Variants in STPG2 observed in about 807,000 individuals in gnomAD.
STPG2 encodes sperm tail PG-rich repeat containing 2.
In STPG2, 56 loss-of-function variants were observed where a neutral mutation model predicts 54.2. The observed-to-expected ratio is 1.03, with a 90% CI of 0.83 to 1.29. STPG2 has a LOEUF of 1.29. Ranked by LOEUF, STPG2 falls within the 50% of genes most tolerant of loss-of-function variation. The pLI, the probability that STPG2 is intolerant of heterozygous loss-of-function variation, is 0.00. For synonymous variants in STPG2, 200 were observed against 181.8 expected, an observed-to-expected ratio of 1.10 and a Z score of -0.81; for missense variants, 596 against 544.9, an observed-to-expected ratio of 1.09 and a Z score of -0.93.
chr4:98,115,100 TGAA>T (rs939566360), intron 3 of STPG2, among the ~76,000 whole-genome samples: 10 of 151,976 alleles, frequency 6.6e-5, no homozygotes, highest in African/African-American at 2.4e-4. Context: ...TATTATAATT[TGAA>T]GAAGAATTAC....
At chr4:97,654,578 C>A (rs1722166772) in intron 10 of STPG2, among the ~76,000 whole-genome samples, 1 of 152,082 alleles carries the variant, frequency 6.6e-6, no homozygotes, top group African/African-American at 2.4e-5. Flanking sequence ...TATGTACTAA[C>A]CACATGTTTG....
intron 9 of STPG2, among the ~76,000 whole-genome samples, chr4:97,826,060 T>C (rs538963689): frequency 3.3e-5 from 5 of 152,170 alleles, no homozygotes; most frequent in Non-Finnish European, 4.4e-5. Context: ...CCTTGCCCTC[T>C]AGCTATGCGG....
intron 5 of STPG2, among the ~76,000 whole-genome samples, chr4:98,022,980 G>T (rs1262591157): frequency 6.6e-6 from 1 of 152,072 alleles, no homozygotes; most frequent in Non-Finnish European, 1.5e-5. Flanking sequence ...CTGTAGCTCG[G>T]AGTAGTTTGA....
intron 4 of STPG2, among the ~76,000 whole-genome samples, chr4:97,506,455 A>C (rs573256002): frequency 6.6e-6 from 1 of 152,014 alleles, no homozygotes; most frequent in African/African-American, 2.4e-5. Context: ...ACAAATAAAA[A>C]CTGAAAAAAT....
intron 3 of STPG2, among the ~76,000 whole-genome samples, chr4:98,114,667 A>G (rs1739455609): frequency 6.6e-6 from 1 of 151,978 alleles, no homozygotes. Flanking sequence ...ATTGTTTCAC[A>G]ATTCTAATAG....
intron 9 of STPG2, among the ~76,000 whole-genome samples, chr4:97,721,936 G>T (rs557484956): frequency 6.6e-6 from 1 of 151,900 alleles, no homozygotes; most frequent in Non-Finnish European, 1.5e-5. Flanking sequence ...AATTTTAATA[G>T]AGGTCACAAC....
chr4:97,684,655 T>C (rs1481749599), intron 10 of STPG2, among the ~76,000 whole-genome samples: 3 of 151,808 alleles, frequency 2.0e-5, no homozygotes, highest in South Asian at 2.1e-4. Flanking sequence ...AATAATAATA[T>C]AGGAGAAAGT....
chr4:97,641,710 A>G (rs1721771405), intron 10 of STPG2, among the ~76,000 whole-genome samples: 1 of 151,508 alleles, frequency 6.6e-6, no homozygotes, highest in Admixed American at 6.6e-5. Context: ...AAAATTGAAC[A>G]TACATACAAA....
intron 9 of STPG2, among the ~76,000 whole-genome samples, chr4:97,810,172 A>C (rs1169793220): frequency 6.6e-6 from 1 of 152,192 alleles, no homozygotes; most frequent in East Asian, 1.9e-4. Flanking sequence ...TAATACCTAA[A>C]GAATGAAAGC....
chr4:97,901,012 GA>G (rs1298049388), intron 8 of STPG2, among the ~76,000 whole-genome samples: 1 of 151,608 alleles, frequency 6.6e-6, no homozygotes, highest in African/African-American at 2.4e-5. Flanking sequence ...AACACTCAAA[GA>G]AAAAAACAAA....
intron 8 of STPG2, among the ~76,000 whole-genome samples, chr4:97,905,794 G>A (rs1731389642): frequency 6.6e-6 from 1 of 151,988 alleles, no homozygotes; most frequent in Non-Finnish European, 1.5e-5. Flanking sequence ...AAAAAAGGCA[G>A]GAGTTGCAAT....
chr4:97,946,628 A>G (rs1379032923), intron 7 of STPG2, among the ~76,000 whole-genome samples: 3 of 152,188 alleles, frequency 2.0e-5, no homozygotes, highest in Admixed American at 6.6e-5. Context: ...CAGTTTTCCC[A>G]GGACCATTTA....
intron 9 of STPG2, among the ~76,000 whole-genome samples, chr4:97,792,930 T>C (rs1333292636): frequency 6.6e-6 from 1 of 152,040 alleles, no homozygotes; most frequent in Non-Finnish European, 1.5e-5. Flanking sequence ...GGCTGGCAGA[T>C]TGCATGAGGT....
chr4:98,047,891 G>A (rs1000349068), intron 5 of STPG2, among the ~76,000 whole-genome samples: 3 of 151,920 alleles, frequency 2.0e-5, no homozygotes, highest in Admixed American at 6.6e-5. Flanking sequence ...GATTAAACAC[G>A]AGCTAAAAAA....
At chr4:97,564,433 A>G (rs922806063) in intron 10 of STPG2, among the ~76,000 whole-genome samples, 2 of 151,756 alleles carry the variant, frequency 1.3e-5, no homozygotes, top group African/African-American at 4.9e-5. Flanking sequence ...GTCCATTTAC[A>G]TTTAAAGTTA....
At chr4:97,538,022 T>G (rs914932621) in intron 4 of STPG2, among the ~76,000 whole-genome samples, 4 of 151,840 alleles carry the variant, frequency 2.6e-5, no homozygotes, top group Non-Finnish European at 5.9e-5. Context: ...ACAAAGGACA[T>G]CCACACCAAA....
chr4:97,943,991 T>G lies in STPG2; in HGVS notation c.950A>C (p.Gln317Pro), dbSNP rs761349814. 8 of 1,609,652 alleles carry G rather than the reference T, an allele frequency of 5.0e-6. No individual in the cohort carries two copies. The South Asian group carries it at 5.5e-5, about 11-fold the overall frequency. Reference sequence around the variant, plus strand: ...TAATTCATCAGAAATTCCCACACCCTGTGAATGCCAAAATTCCTGTTGAAA... The same window carrying G: ...TAATTCATCAGAAATTCCCACACCCGGTGAATGCCAAAATTCCTGTTGAAA... ...PADYQEFWHS[Q>P]GVGISDELPN... The change falls in exon 8 of 11, where the codon CAG (glutamine) becomes CCG (proline). Residue 317 changes from glutamine to proline, a missense_variant. By Grantham distance (76) the Gln-to-Pro change is moderately conservative (BLOSUM62 -1). Coordinates refer to ENST00000295268, the MANE Select transcript of STPG2 (RefSeq NM_174952.3).
At chr4:97,900,926 A>G (rs1411361990) in intron 8 of STPG2, among the ~76,000 whole-genome samples, 9 of 152,066 alleles carry the variant, frequency 5.9e-5, no homozygotes, top group Non-Finnish European at 1.2e-4. Context: ...AACTGAAAAT[A>G]AAAGTTTTTT....
chr4:97,927,112 T>A (rs1215537638), intron 8 of STPG2, among the ~76,000 whole-genome samples: 1 of 152,074 alleles, frequency 6.6e-6, no homozygotes, highest in Non-Finnish European at 1.5e-5. Context: ...GCTGTTAAAC[T>A]TTAACCTAGC....
Sources: gnomAD v4.1 joint callset for allele counts (sites outside exome capture counted in the v4.1 genomes callset) on GRCh38, gnomAD v4.1.1 for gene constraint, MANE v1.5 for transcripts, NCBI Gene and HGNC (gene_info 2026-07-23, HGNC 2026-07-21) for gene names.